ATP13A5: variants seen among roughly 807,000 people sequenced by gnomAD.
The protein encoded by ATP13A5 is probable cation-transporting ATPase 13A5.
In ATP13A5, 149 loss-of-function variants were observed where a neutral mutation model predicts 150.2. The observed-to-expected ratio is 0.99, with a 90% CI of 0.87 to 1.14. ATP13A5 has a LOEUF of 1.14. ATP13A5 is among the 50% of genes most tolerant of loss of function. The pLI, the probability that ATP13A5 is intolerant of heterozygous loss-of-function variation, is 0.00. For missense variants in ATP13A5, 1,383 were observed against 1,449.3 expected (o/e 0.95, Z 0.74); for synonymous variants, 497 against 522.2 (o/e 0.95, Z 0.66).
At chr3:193,308,359 T>C (rs748741737) in intron 21 of ATP13A5, among the ~76,000 whole-genome samples, 5 of 152,026 alleles carry the variant, frequency 3.3e-5, no homozygotes, top group Non-Finnish European at 7.4e-5. Context: ...CTTGGGAGGC[T>C]GAGGCAGGGG....
chr3:193,279,377 G>A lies in ATP13A5; in HGVS notation c.3304C>T (p.Arg1102Cys), dbSNP rs762477750. 31 of 1,612,930 alleles carry A rather than the reference G, an allele frequency of 1.9e-5. No homozygotes were observed. The highest frequency in any genetic ancestry group is 8.3e-5 in the Admixed American group (5 of 59,972). Residue 1102 changes from arginine to cysteine, a missense_variant, in exon 28 of 30, where the codon CGT becomes TGT. Physicochemically the swap from Arg to Cys is radical, Grantham distance 180 (BLOSUM62 -3). Coordinates refer to ENST00000342358, the MANE Select transcript of ATP13A5 (RefSeq NM_198505.4). ...ILFSDFQVIY[R>C]GMELIPTITS... ...TGAATGCCACTTACCTCCATTCCACGGTATATAACTTGAAAGTCAGAAAAC... is the reference window on the plus strand; with the variant it reads ...TGAATGCCACTTACCTCCATTCCACAGTATATAACTTGAAAGTCAGAAAAC...
chr3:193,353,908 G>GAACAA (rs143245977), intron 6 of ATP13A5, among the ~76,000 whole-genome samples: 81,839 of 151,314 alleles, frequency 0.54, 22,336 homozygotes, highest in African/African-American at 0.61. Context: ...AAACTAAAGA[G>GAACAA]AACAAAACAA....
chr3:193,339,591 C>T (rs1380329264), intron 9 of ATP13A5, among the ~76,000 whole-genome samples: 7 of 152,120 alleles, frequency 4.6e-5, no homozygotes, highest in Non-Finnish European at 1.0e-4. Context: ...GAATATTTTT[C>T]AAGAAATTCT....
intron 1 of ATP13A5, among the ~76,000 whole-genome samples, chr3:193,368,297 T>C (rs1054964430): frequency 6.6e-6 from 1 of 152,044 alleles, no homozygotes; most frequent in Non-Finnish European, 1.5e-5. Context: ...AAAGTACATA[T>C]CATCGCCAAG....
chr3:193,356,948 T>C (rs923259818), intron 5 of ATP13A5, among the ~76,000 whole-genome samples: 3 of 152,182 alleles, frequency 2.0e-5, no homozygotes. Context: ...CCTGAGTAGC[T>C]GGGATTACAG....
intron 6 of ATP13A5, 70 bp from the exon 7 acceptor site, chr3:193,351,271 A>T: frequency 2.6e-6 from 4 of 1,559,228 alleles, no homozygotes; most frequent in Non-Finnish European, 3.5e-6. Context: ...ATGTCATTTC[A>T]TTATCAATTT....
intron 5 of ATP13A5, 35 bp downstream of exon 5, chr3:193,362,346 C>T (rs1322289758): frequency 6.4e-7 from 1 of 1,565,948 alleles, no homozygotes; most frequent in South Asian, 1.1e-5. Context: ...TTTCTGCTGG[C>T]AGAGTTTACT....
At chr3:193,369,242 T>C (rs1413269799) in intron 1 of ATP13A5, among the ~76,000 whole-genome samples, 6 of 151,814 alleles carry the variant, frequency 4.0e-5, no homozygotes, top group Non-Finnish European at 5.9e-5. Context: ...GTCTCTACTG[T>C]CTCTAAGTTT....
At chr3:193,315,828 C>T (rs1385372393) in intron 17 of ATP13A5, among the ~76,000 whole-genome samples, 1 of 151,466 alleles carries the variant, frequency 6.6e-6, no homozygotes, top group East Asian at 1.9e-4. Context: ...AGGTAATAAA[C>T]ATATCCATCA....
intron 16 of ATP13A5, among the ~76,000 whole-genome samples, chr3:193,321,422 G>A (rs1388819352): frequency 1.3e-5 from 2 of 152,154 alleles, no homozygotes; most frequent in Non-Finnish European, 2.9e-5. Flanking sequence ...CTTGAGGCCA[G>A]GAGGTTGAGA....
intron 1 of ATP13A5, among the ~76,000 whole-genome samples, chr3:193,370,487 A>T (rs979092272): frequency 6.6e-6 from 1 of 152,206 alleles, no homozygotes; most frequent in Non-Finnish European, 1.5e-5. Context: ...AAAGCTGAGG[A>T]TATGGCATGG....
intron 27 of ATP13A5, among the ~76,000 whole-genome samples, chr3:193,280,646 GTTC>G (rs1417614702): frequency 5.3e-5 from 8 of 152,164 alleles, no homozygotes; most frequent in African/African-American, 1.9e-4. Flanking sequence ...CAGCATCTCT[GTTC>G]TTATTTCCAA....
intron 26 of ATP13A5, among the ~76,000 whole-genome samples, chr3:193,288,421 A>G (rs928875606): frequency 1.3e-5 from 2 of 152,146 alleles, no homozygotes; most frequent in African/African-American, 2.4e-5. Context: ...CACTACCTTG[A>G]TCAGTCAGCA....
At chr3:193,332,182 T>G (rs572436394) in intron 11 of ATP13A5, among the ~76,000 whole-genome samples, 2 of 152,270 alleles carry the variant, frequency 1.3e-5, no homozygotes, top group Admixed American at 1.3e-4. Flanking sequence ...TCTCATGAGA[T>G]CTGATGGTTT....
At chr3:193,339,506 A>G (rs960187397) in intron 9 of ATP13A5, among the ~76,000 whole-genome samples, 1 of 152,228 alleles carries the variant, frequency 6.6e-6, no homozygotes, top group African/African-American at 2.4e-5. Context: ...TTGGTTTTTC[A>G]AAACTCATTT....
At position 193,325,326 on chromosome 3, in the gene ATP13A5, CT is replaced by C. The variant is rs1039457087; in HGVS notation, c.1524-313del. 6.6e-5 allele frequency among the ~76,000 whole-genome samples: 10 copies of C among 152,198 alleles called. No individual in the cohort carries two copies. In the East Asian group the frequency reaches 1.5e-3, roughly 23 times the overall value. ...TTCTCTGCTCTTAAGCCCCTGCCCA[CT>C]TGGTTTCTTTATTTTTTAAACAGGG... On this transcript the variant is annotated intron_variant, in intron 13 of 29. Transcript: ENST00000342358.
At position 193,289,941 on chromosome 3, in the gene ATP13A5, G is replaced by C; in HGVS notation, c.2967C>G (p.Ile989Met). 6.2e-7 allele frequency: 1 copy of C among 1,612,812 alleles called. No homozygotes were observed. The highest frequency in any genetic ancestry group is 8.5e-7 in the Non-Finnish European group (1 of 1,179,216). ...LNSCFSCIVQISAFLYVKQQP... is the reference protein window; with the variant it reads ...LNSCFSCIVQMSAFLYVKQQP... ...GCTGCTTCACATAGAGAAATGCACT[G>C]ATCTGCACAATGCAGGAGAAACAGG... The change falls in exon 26 of 30, where the codon ATC becomes ATG. Residue 989 changes from isoleucine to methionine, a missense_variant. Ile to Met is a conservative substitution (Grantham distance 10, BLOSUM62 1). This residue lies in a region of ATP13A5 where 568 missense variants were observed against 621.5 expected (regional missense o/e 0.91). Coordinates refer to ENST00000342358, the MANE Select transcript of ATP13A5 (RefSeq NM_198505.4).
At chr3:193,366,514 G>A (rs1041460895) in intron 1 of ATP13A5, among the ~76,000 whole-genome samples, 4 of 151,482 alleles carry the variant, frequency 2.6e-5, no homozygotes, top group Non-Finnish European at 5.9e-5. Context: ...AGCAAAGGAA[G>A]GATATTTCAT....
intron 29 of ATP13A5, among the ~76,000 whole-genome samples, chr3:193,276,010 A>G (rs1394897438): frequency 6.6e-6 from 1 of 152,140 alleles, no homozygotes; most frequent in Non-Finnish European, 1.5e-5. Flanking sequence ...TGAATGTAAT[A>G]TTTTGCCACT....
Sources: allele counts gnomAD v4.1 joint callset (sites outside exome capture counted in the v4.1 genomes callset), GRCh38; gene constraint gnomAD v4.1.1; regional missense constraint gnomAD v4.1.1; transcripts MANE v1.5; gene names NCBI Gene and HGNC (gene_info 2026-07-23, HGNC 2026-07-21).